The following SCG5 variants were observed in gnomAD, a reference collection of about 807,000 sequenced individuals.
SCG5 encodes neuroendocrine protein 7B2.
Under a neutral mutation model 25.7 loss-of-function variants are expected in SCG5, and 18 were observed. The ratio of observed to expected loss-of-function variants is 0.70; its 90% confidence interval spans 0.48 to 1.04. The LOEUF is 1.04. Among genes scored for constraint, SCG5 ranks in the 50% least tolerant of loss-of-function variants. SCG5 has a pLI of 0.00. For synonymous variants in SCG5, 101 were observed against 91.7 expected, an observed-to-expected ratio of 1.10 and a Z score of -0.58; for missense variants, 206 against 259.8, an observed-to-expected ratio of 0.79 and a Z score of 1.42.
chr15:32,695,740 C>G (rs2054946312), intron 5 of SCG5, among the ~76,000 whole-genome samples: 3 of 152,112 alleles, frequency 2.0e-5, no homozygotes, highest in Admixed American at 1.3e-4. Flanking sequence ...CTTGGCCCTA[C>G]TCTTCTCCTT....
chr15:32,650,446 G>A (rs969388893), intron 2 of SCG5, among the ~76,000 whole-genome samples: 4 of 152,214 alleles, frequency 2.6e-5, no homozygotes, highest in African/African-American at 9.6e-5. Context: ...ATACAGTTCA[G>A]ATATGCTTCA....
intron 2 of SCG5, among the ~76,000 whole-genome samples, chr15:32,661,491 A>C (rs964514730): frequency 9.2e-5 from 14 of 152,144 alleles, no homozygotes; most frequent in South Asian, 2.1e-4. Flanking sequence ...GTGGTGGTGC[A>C]TGCCTGTAAT....
At chr15:32,659,716 C>T (rs1448424596) in intron 2 of SCG5, among the ~76,000 whole-genome samples, 2 of 152,154 alleles carry the variant, frequency 1.3e-5, no homozygotes, top group African/African-American at 4.8e-5. Flanking sequence ...TGTCAACAAG[C>T]CCTGCACGGT....
At position 32,694,469 on chromosome 15, in the gene SCG5, T is replaced by G. The variant is rs56307037; in HGVS notation, c.544-2045T>G. Among the ~76,000 whole-genome samples the G allele has an allele frequency of 4.1e-3, 620 of 152,330 alleles. 5 individuals carry two copies. The highest frequency in any genetic ancestry group is 6.3e-3 in the Non-Finnish European group (431 of 68,034). On this transcript the variant is annotated intron_variant, in intron 5 of 5. Coordinates refer to ENST00000300175, the MANE Select transcript of SCG5 (RefSeq NM_001144757.3). ...AGCTGTATCTTGTTAATATTTGAGCTCTACTATTGATCTTATTTAAACAGT... is the reference window on the plus strand; with the variant it reads ...AGCTGTATCTTGTTAATATTTGAGCGCTACTATTGATCTTATTTAAACAGT...
intron 3 of SCG5, 141 bp downstream of exon 3, chr15:32,680,056 G>T: frequency 1.3e-6 from 1 of 760,552 alleles, no homozygotes; most frequent in South Asian, 2.0e-5. Flanking sequence ...TAGATGGGAA[G>T]GGGAAATTTA....
intron 2 of SCG5, chr15:32,672,882 G>A (rs918455029): frequency 2.2e-5 from 3 of 134,408 alleles, no homozygotes; most frequent in African/African-American, 8.6e-5. Flanking sequence ...AAGGATGAAA[G>A]CACTTTGAAA....
chr15:32,655,316 A>C lies in SCG5; in HGVS notation c.226+11498A>C, dbSNP rs181919588. 9.1e-3 allele frequency among the ~76,000 whole-genome samples: 1,384 copies of C among 152,280 alleles called. 9 individuals carry two copies. Among genetic ancestry groups the C allele is most frequent in the Non-Finnish European group, 0.012 (815 of 68,010 alleles). ...GAGCGAGACTCTGTCTGAACAAAAA[A>C]AAAAAAAATTCTGGAGATCATAGAG... On this transcript the variant is annotated intron_variant, in intron 2 of 5. Coordinates refer to ENST00000300175, the MANE Select transcript of SCG5 (RefSeq NM_001144757.3).
intron 2 of SCG5, among the ~76,000 whole-genome samples, chr15:32,653,968 T>G (rs183429274): frequency 6.6e-6 from 1 of 152,284 alleles, no homozygotes; most frequent in East Asian, 1.9e-4. Flanking sequence ...CACATAAATA[T>G]GGTATTTTGC....
At position 32,645,972 on chromosome 15, in the gene SCG5, C is replaced by T. The variant is rs147015028; in HGVS notation, c.226+2154C>T. ...AGTAGCTGTTTACAGGCGCCCGCCA[C>T]CACGCCCGGCTAATTTTTTGTATTT... is the stretch of plus-strand genomic sequence containing the variant. On this transcript the variant is annotated intron_variant, in intron 2 of 5. Transcript: ENST00000300175. Among the ~76,000 whole-genome samples the T allele has an allele frequency of 9.0e-3, 1,370 of 152,264 alleles. 10 individuals carry two copies. The highest frequency in any genetic ancestry group is 0.024 in the Middle Eastern group (7 of 294).
intron 2 of SCG5, among the ~76,000 whole-genome samples, chr15:32,675,831 G>A (rs1342919580): frequency 6.6e-6 from 1 of 152,054 alleles, no homozygotes; most frequent in African/African-American, 2.4e-5. Flanking sequence ...ACATTTATCT[G>A]GTTCATCACT....
chr15:32,668,128 G>A (rs778021518), intron 2 of SCG5, among the ~76,000 whole-genome samples: 5 of 152,274 alleles, frequency 3.3e-5, no homozygotes, highest in Admixed American at 2.0e-4. Flanking sequence ...TACACACCAC[G>A]TGCCTTCTCC....
chr15:32,661,997 A>G (rs1186077516), intron 2 of SCG5, among the ~76,000 whole-genome samples: 1 of 152,202 alleles, frequency 6.6e-6, no homozygotes, highest in East Asian at 1.9e-4. Context: ...ACTTAATATT[A>G]TATCAAGAAC....
intron 3 of SCG5, among the ~76,000 whole-genome samples, chr15:32,683,247 A>C (rs1164468452): frequency 1.3e-5 from 2 of 152,190 alleles, no homozygotes; most frequent in East Asian, 3.8e-4. Context: ...GGCTAATTGT[A>C]AATGGCCCCC....
At chr15:32,647,994 G>C (rs765728079) in intron 2 of SCG5, among the ~76,000 whole-genome samples, 1 of 151,904 alleles carries the variant, frequency 6.6e-6, no homozygotes, top group Non-Finnish European at 1.5e-5. Flanking sequence ...TGGTGACTCC[G>C]GTGTTTGTAT....
In SCG5 at chr15:32,671,150, G is replaced by A. The variant is rs953964271; in HGVS notation, c.227-8616G>A. Among the ~76,000 whole-genome samples the A allele has an allele frequency of 3.3e-5, 5 of 152,166 alleles. No homozygotes were observed. In the South Asian group the frequency reaches 6.2e-4, roughly 19 times the overall value. On this transcript the variant is annotated intron_variant, in intron 2 of 5. Coordinates refer to ENST00000300175, the MANE Select transcript of SCG5 (RefSeq NM_001144757.3). ...ATCCCACAGTGTGTGGCAGAATGTG[G>A]ACTTGAACTCAGGGCCCTAACAACA...
rs373862155 is a variant in SCG5 at position 32,643,826 on chromosome 15, C to T, written c.226+8C>T. On this transcript the variant is annotated splice_region_variant and intron_variant, in intron 2 of 5. Coordinates refer to ENST00000300175, the MANE Select transcript of SCG5 (RefSeq NM_001144757.3). ...GCCCCCAGAGCATTGAAGGTATTTA[C>T]TGTGTTCTGATGGTTTGAAGTTTCC... 1.9e-5 allele frequency: 31 copies of T among 1,609,518 alleles called. No homozygotes were observed. Among genetic ancestry groups the T allele is most frequent in the Non-Finnish European group, 2.4e-5 (28 of 1,176,778 alleles).
chr15:32,649,279 C>T (rs1356176406), intron 2 of SCG5, among the ~76,000 whole-genome samples: 3 of 152,202 alleles, frequency 2.0e-5, no homozygotes, highest in African/African-American at 7.2e-5. Flanking sequence ...TATGTAAATA[C>T]TGTTTTACAT....
At position 32,663,078 on chromosome 15, in the gene SCG5, T is replaced by TATAA. The variant is rs1231364622; in HGVS notation, c.227-16687_227-16686insTAAA. ...ATATATATATATATATATATATATA[T>TATAA]AATATATAATATGTTATATATACAC... On this transcript the variant is annotated intron_variant, in intron 2 of 5. Coordinates refer to ENST00000300175, the MANE Select transcript of SCG5 (RefSeq NM_001144757.3). 9.4e-4 allele frequency among the ~76,000 whole-genome samples: 49 copies of TATAA among 52,216 alleles called. 2 individuals are homozygous for TATAA. In the East Asian group the frequency reaches 0.014, roughly 14 times the overall value. 34.3% of individuals were successfully genotyped at this position (52,216 alleles called of 152,430 possible). A position where few individuals can be genotyped will look rare whatever the true frequency, so the allele number is the denominator to read the frequency against.
At chr15:32,643,429 G>A (rs1053952906) in intron 1 of SCG5, among the ~76,000 whole-genome samples, 157 bp from the exon 2 acceptor site, 3 of 152,118 alleles carry the variant, frequency 2.0e-5, no homozygotes, top group Admixed American at 6.5e-5. Flanking sequence ...GCCTAGCATG[G>A]AAACTTAAGA....
Sources: gnomAD v4.1 joint callset for allele counts (sites outside exome capture counted in the v4.1 genomes callset) on GRCh38, gnomAD v4.1.1 for gene constraint, MANE v1.5 for transcripts, NCBI Gene and HGNC (gene_info 2026-07-23, HGNC 2026-07-21) for gene names.